Variants in TBXAS1 observed in about 807,000 individuals in gnomAD.
The protein encoded by TBXAS1 is thromboxane A synthase 1.
TBXAS1 carries 48 observed loss-of-function variants against 60.7 expected under a neutral mutation model. That is an observed-to-expected ratio of 0.79 (90% confidence interval 0.63 to 1.01). The LOEUF (loss-of-function observed/expected upper bound fraction) is 1.01. Ranked by LOEUF, TBXAS1 falls within the 50% of genes least tolerant of loss-of-function variation. TBXAS1 has a pLI of 0.00. For synonymous variants in TBXAS1, 287 were observed against 269.7 expected (o/e 1.06, Z -0.63); for missense variants, 685 against 686.3 (o/e 1.00, Z 0.02).
chr7:139,912,152 C>T (rs1015320285), intron 4 of TBXAS1, among the ~76,000 whole-genome samples: 4 of 152,122 alleles, frequency 2.6e-5, no homozygotes, highest in Admixed American at 6.5e-5. Context: ...ATTGCTTGAA[C>T]GCTTGAATCT....
At chr7:139,938,894 T>C (rs1289378604) in intron 5 of TBXAS1, among the ~76,000 whole-genome samples, 1 of 152,238 alleles carries the variant, frequency 6.6e-6, no homozygotes, top group Non-Finnish European at 1.5e-5. Context: ...AATTTTATCA[T>C]GGTCTAGATT....
intron 4 of TBXAS1, among the ~76,000 whole-genome samples, chr7:139,931,657 CA>C (rs1323947176): frequency 1.3e-5 from 2 of 151,936 alleles, no homozygotes; most frequent in African/African-American, 4.8e-5. Context: ...AAGACTTATT[CA>C]CTACCACGAG....
intron 1 of TBXAS1, among the ~76,000 whole-genome samples, chr7:139,854,614 T>A (rs1211330410): frequency 6.6e-6 from 1 of 152,108 alleles, no homozygotes; most frequent in Non-Finnish European, 1.5e-5. Context: ...CAGTGCCAGT[T>A]AGGAGTAAGA....
intron 1 of TBXAS1, among the ~76,000 whole-genome samples, chr7:139,779,905 A>G (rs1585483152): frequency 6.6e-6 from 1 of 152,144 alleles, no homozygotes; most frequent in African/African-American, 2.4e-5. Context: ...GCCTTTGCCC[A>G]AGCGGTCACT....
At chr7:139,991,545 C>T (rs942467031) in intron 9 of TBXAS1, among the ~76,000 whole-genome samples, 3 of 152,030 alleles carry the variant, frequency 2.0e-5, no homozygotes, top group South Asian at 2.1e-4. Context: ...AAGGGAGGCA[C>T]GCAGGCTGCT....
chr7:139,876,568 C>A (rs952405597), intron 3 of TBXAS1, among the ~76,000 whole-genome samples: 1 of 152,058 alleles, frequency 6.6e-6, no homozygotes, highest in Non-Finnish European at 1.5e-5. Context: ...GGTCCTATCT[C>A]CATAGTATTC....
chr7:139,948,076 G>C (rs553476883), intron 5 of TBXAS1, among the ~76,000 whole-genome samples: 2 of 152,200 alleles, frequency 1.3e-5, no homozygotes, highest in South Asian at 4.2e-4. Context: ...TGTTGACCAG[G>C]CTAGTCTTGA....
chr7:139,783,428 G>A (rs1797063948), intron 3 of TBXAS1, among the ~76,000 whole-genome samples: 1 of 151,952 alleles, frequency 6.6e-6, no homozygotes. Context: ...GGGCGATTTT[G>A]TTGGAGGTTG....
At position 139,852,870 on chromosome 7, in the gene TBXAS1, A is replaced by G. The variant is rs1232932594; in HGVS notation, c.90-19365A>G. ...TACTCGGCTGGGTACAAAAGAACCTAGAATTATTCTGAGCACCCACTACCA... is the reference window on the plus strand; with the variant it reads ...TACTCGGCTGGGTACAAAAGAACCTGGAATTATTCTGAGCACCCACTACCA... On this transcript the variant is annotated intron_variant, in intron 1 of 12. Coordinates refer to ENST00000448866, the MANE Select transcript of TBXAS1 (RefSeq NM_001061.7). The surrounding 1 kb of genome is among the most constrained non-coding windows in gnomAD (Gnocchi z 4.4). 6.6e-6 allele frequency among the ~76,000 whole-genome samples: 1 copy of G among 151,902 alleles called. No individual in the cohort carries two copies. Among genetic ancestry groups the G allele is most frequent in the Non-Finnish European group, 1.5e-5 (1 of 67,974 alleles).
chr7:139,819,834 A>G (rs1013388568), intron 4 of TBXAS1, among the ~76,000 whole-genome samples: 2 of 151,942 alleles, frequency 1.3e-5, no homozygotes, highest in Non-Finnish European at 2.9e-5. Flanking sequence ...CTATATTGCC[A>G]TACTAGGTGG....
intron 1 of TBXAS1, among the ~76,000 whole-genome samples, chr7:139,836,039 TAAATAAATAA>T (rs894530214): frequency 2.9e-4 from 4 of 13,616 alleles, no homozygotes; most frequent in African/African-American, 9.9e-4. Flanking sequence ...GCTGCAAAAA[TAAATAAATAA>T]ATAAATAAAT....
intron 1 of TBXAS1, among the ~76,000 whole-genome samples, chr7:139,841,115 A>G (rs1019917020): frequency 9.2e-5 from 14 of 152,328 alleles, no homozygotes; most frequent in Admixed American, 2.6e-4. Context: ...GAGCGTGGCA[A>G]GGAGCCCAGA....
chr7:139,828,795 G>T (rs949975287), upstream of TBXAS1, among the ~76,000 whole-genome samples: 2 of 152,178 alleles, frequency 1.3e-5, no homozygotes, highest in South Asian at 4.1e-4. Context: ...CAGACACTCA[G>T]ACAGGTCCTC....
chr7:139,831,865 C>G (rs933495055), intron 1 of TBXAS1, among the ~76,000 whole-genome samples: 22 of 152,124 alleles, frequency 1.4e-4, no homozygotes, highest in African/African-American at 4.6e-4. Context: ...CTGGGAGGCA[C>G]AGGCTGCAGT....
chr7:139,945,567 G>T (rs1046787686), intron 5 of TBXAS1, among the ~76,000 whole-genome samples: 2 of 152,216 alleles, frequency 1.3e-5, no homozygotes, highest in Non-Finnish European at 1.5e-5. Context: ...ACAGAATGGG[G>T]TGTGCTATGC....
intron 6 of TBXAS1, 143 bp downstream of exon 6, chr7:139,953,599 T>G: frequency 1.3e-6 from 1 of 797,186 alleles, no homozygotes; most frequent in East Asian, 2.8e-5. Context: ...GACTGATTAA[T>G]AAAAAGAAAA....
intron 1 of TBXAS1, among the ~76,000 whole-genome samples, chr7:139,864,518 T>C (rs920909910): frequency 6.6e-6 from 1 of 151,126 alleles, no homozygotes; most frequent in Admixed American, 6.6e-5. Context: ...AAAATTAATA[T>C]GAAAAAGTAA....
intron 3 of TBXAS1, among the ~76,000 whole-genome samples, chr7:139,905,001 T>C (rs868703839): frequency 7.1e-5 from 7 of 97,954 alleles, no homozygotes; most frequent in Non-Finnish European, 1.0e-4. Context: ...CTTTCTCTCT[T>C]TCTCTCTTTC....
intron 10 of TBXAS1, among the ~76,000 whole-genome samples, chr7:140,012,120 C>T (rs547270181): frequency 3.3e-4 from 50 of 152,270 alleles, no homozygotes; most frequent in Admixed American, 1.2e-3. Flanking sequence ...AACTTTGCTA[C>T]GTTGGGAGGG....
Sources: allele counts gnomAD v4.1 joint callset (sites outside exome capture counted in the v4.1 genomes callset), GRCh38; gene constraint gnomAD v4.1.1; non-coding constraint Gnocchi (gnomAD v3.1); transcripts MANE v1.5; gene names NCBI Gene and HGNC (gene_info 2026-07-23, HGNC 2026-07-21).